POMGNT1: variants seen among roughly 807,000 people sequenced by gnomAD.
POMGNT1 encodes the protein protein O-linked mannose N-acetylglucosaminyltransferase 1 (beta 1,2-), also known as protein O-linked-mannose beta-1,2-N-acetylglucosaminyltransferase 1.
POMGNT1 carries 67 observed loss-of-function variants against 95.6 expected under a neutral mutation model. The ratio of observed to expected loss-of-function variants is 0.70; its 90% CI spans 0.58 to 0.86. The LOEUF (loss-of-function observed/expected upper bound fraction) is 0.86, where lower values mean the gene tolerates loss of function less well. Ranked by LOEUF, POMGNT1 falls within the 40% of genes least tolerant of loss-of-function variation. POMGNT1 has a pLI of 0.00. For missense variants in POMGNT1, 719 were observed against 855.2 expected (o/e 0.84, Z 1.99); for synonymous variants, 298 against 317.9 (o/e 0.94, Z 0.66).
Position 46,189,872 on chromosome 1 carries a change from G to A in POMGNT1, c.1767C>T (p.Thr589=). The A allele has an allele frequency of 5.6e-6, 9 of 1,613,930 alleles. No individual in the cohort carries two copies. Among genetic ancestry groups the A allele is most frequent in the Non-Finnish European group, 7.6e-6 (9 of 1,180,010 alleles). The change falls in exon 20 of 22, where the codon ACC becomes ACT. Residue 589 remains threonine, a synonymous_variant. Transcript: ENST00000371984. The stretch of plus-strand genomic sequence containing the variant: ...GGAGCACCTTGGCAAGCTGGGTCCA[G>A]GTGGTGAAGTCATCATCTTTCTCCA... ...IRMEKDDDFT[T]WTQLAKCLHI...
At chr1:46,197,254 C>A in intron 2 of POMGNT1, 170 bp from the exon 3 acceptor site, 1 of 1,537,942 alleles carries the variant, frequency 6.5e-7, no homozygotes, top group African/African-American at 1.4e-5. Flanking sequence ...TTCACAGCCA[C>A]TTTCCCCAGG....
chr1:46,207,020 G>C (rs1208092501), intron 1 of POMGNT1, among the ~76,000 whole-genome samples: 1 of 152,150 alleles, frequency 6.6e-6, no homozygotes, highest in African/African-American at 2.4e-5. Flanking sequence ...ATTGGAAGGA[G>C]GCACAGGCTG....
intron 1 of POMGNT1, among the ~76,000 whole-genome samples, chr1:46,208,834 C>T (rs1658805023): frequency 6.6e-6 from 1 of 151,966 alleles, no homozygotes; most frequent in African/African-American, 2.4e-5. Flanking sequence ...GTGCAAAACT[C>T]TGTCTCAAAA....
chr1:46,209,935 T>C, intron 1 of POMGNT1, among the ~76,000 whole-genome samples: 1 of 152,178 alleles, frequency 6.6e-6, no homozygotes, highest in East Asian at 1.9e-4. Context: ...TTAATGTATT[T>C]AGTTTGGTCA....
At chr1:46,194,488 A>T in intron 8 of POMGNT1, 65 bp downstream of exon 8, 2 of 1,614,136 alleles carry the variant, frequency 1.2e-6, no homozygotes, top group East Asian at 4.5e-5. Context: ...ATAAAGCTCC[A>T]CAGAGAGATC....
chr1:46,199,406 C>T (rs1161502029), upstream of POMGNT1, among the ~76,000 whole-genome samples: 2 of 152,224 alleles, frequency 1.3e-5, no homozygotes, highest in Non-Finnish European at 2.9e-5. Flanking sequence ...TAACATCATA[C>T]ATAGAAAGCA....
At chr1:46,199,399 C>G (rs1658469777), upstream of POMGNT1, among the ~76,000 whole-genome samples, 1 of 152,236 alleles carries the variant, frequency 6.6e-6, no homozygotes, top group African/African-American at 2.4e-5. Flanking sequence ...GTTTAAATAA[C>G]ATCATACATA....
Position 46,196,467 on chromosome 1 carries a change from T to C in POMGNT1, c.354+264A>G, listed in dbSNP as rs1396817298. Among the ~76,000 whole-genome samples the C allele has an allele frequency of 2.0e-4, 30 of 152,250 alleles. No individual in the cohort carries two copies. The highest frequency in any genetic ancestry group is 7.2e-5 in the African/African-American group (3 of 41,466). On this transcript the variant is annotated intron_variant, in intron 4 of 21. Transcript: ENST00000371984. The surrounding 1 kb of genome is among the most constrained non-coding windows in gnomAD (Gnocchi z 4.4). ...AAAGGACCAGGGGATGGTTATAAAATAAATCAATGAATTGACTGCCTACTA... is the reference window on the plus strand; with the variant it reads ...AAAGGACCAGGGGATGGTTATAAAACAAATCAATGAATTGACTGCCTACTA...
At chr1:46,203,361 AG>A, upstream of POMGNT1, 1 of 1,396,684 alleles carries the variant, frequency 7.2e-7, no homozygotes, top group South Asian at 1.5e-5. Context: ...GCAGCGGCGA[AG>A]GGAGGACCCC....
chr1:46,196,778 C>T lies in POMGNT1; in HGVS notation c.307G>A (p.Val103Met). 1 of 1,614,222 alleles carries T rather than the reference C, an allele frequency of 6.2e-7. No individual in the cohort carries two copies. Among genetic ancestry groups the T allele is most frequent in the Non-Finnish European group, 8.5e-7 (1 of 1,180,042 alleles). ...SGPRRVLDVEVYSSRSKVYVA... is the reference protein window; with the variant it reads ...SGPRRVLDVEMYSSRSKVYVA... ...TATACTTTGCTGCGACTTGAATACA[C>T]CTCTACGTCCAGGACCCGCCGGGGA... The change falls in exon 4 of 22, where the codon GTG becomes ATG. Residue 103 changes from valine to methionine, a missense_variant. Transcript: ENST00000371984. The surrounding 1 kb of genome is among the most constrained non-coding windows in gnomAD (Gnocchi z 4.4).
intron 1 of POMGNT1, among the ~76,000 whole-genome samples, chr1:46,209,700 G>A (rs565029066): frequency 1.3e-5 from 2 of 151,836 alleles, no homozygotes; most frequent in African/African-American, 2.4e-5. Context: ...TAGTAGAGAC[G>A]GGGTTTTGCC....
At chr1:46,210,206 A>T (rs1658850243) in intron 1 of POMGNT1, among the ~76,000 whole-genome samples, 1 of 152,216 alleles carries the variant, frequency 6.6e-6, no homozygotes, top group Admixed American at 6.5e-5. Flanking sequence ...AAACACAAAT[A>T]ATTTCAGGTA....
chr1:46,199,203 A>C (rs1375290479), upstream of POMGNT1, among the ~76,000 whole-genome samples: 1 of 152,296 alleles, frequency 6.6e-6, no homozygotes. Context: ...TGGCCTCCCA[A>C]AGTGCTGGGA....
intron 20 of POMGNT1, 111 bp downstream of exon 20, chr1:46,189,743 T>C: frequency 1.3e-6 from 2 of 1,567,040 alleles, no homozygotes; most frequent in Non-Finnish European, 8.7e-7. Context: ...TCTAAGAGTA[T>C]AAAGAGGAGG....
chr1:46,193,052 C>A, intron 13 of POMGNT1, 94 bp from the exon 14 acceptor site: 2 of 1,603,410 alleles, frequency 1.2e-6, no homozygotes, highest in Non-Finnish European at 1.7e-6. Context: ...CAGCATTACC[C>A]CCATTTTCCA....
intron 1 of POMGNT1, among the ~76,000 whole-genome samples, chr1:46,206,021 T>A (rs1371316064): frequency 6.6e-6 from 1 of 152,170 alleles, no homozygotes; most frequent in Non-Finnish European, 1.5e-5. Flanking sequence ...TCCTCTACCC[T>A]CCATTCAAAG....
rs780353981 is a variant in POMGNT1 at position 46,196,128 on chromosome 1, GTC to G, written c.355-53_355-52del. Reference sequence around the variant, plus strand: ...AGCTTTTCACTCTGGCATTCAAGGTGTCTCTGTCTTAGGGGTACTTAAAACAC... The same window carrying G: ...AGCTTTTCACTCTGGCATTCAAGGTGTCTGTCTTAGGGGTACTTAAAACAC... On this transcript the variant is annotated intron_variant, in intron 4 of 21. Coordinates refer to ENST00000371984, the MANE Select transcript of POMGNT1 (RefSeq NM_017739.4). The surrounding 1 kb of genome is among the most constrained non-coding windows in gnomAD (Gnocchi z 4.4). The G allele has an allele frequency of 6.2e-7, 1 of 1,612,708 alleles. No homozygotes were observed. The highest frequency in any genetic ancestry group is 1.3e-5 in the African/African-American group (1 of 74,892).
intron 1 of POMGNT1, among the ~76,000 whole-genome samples, chr1:46,213,073 A>G (rs370112267): frequency 6.6e-6 from 1 of 152,244 alleles, no homozygotes; most frequent in African/African-American, 2.4e-5. Context: ...GATAGACTAC[A>G]TATGTCAAAT....
Position 46,193,844 on chromosome 1 carries a change from C to CTTA in POMGNT1, c.950+10_950+11insTAA. On this transcript the variant is annotated intron_variant, in intron 10 of 21. Coordinates refer to ENST00000371984, the MANE Select transcript of POMGNT1 (RefSeq NM_017739.4). Reference sequence around the variant, plus strand: ...TGTTCAGTGCTGGGTATAGCCCATTCCCAGGCTTACCTGTACAGGTAATTG... The same window carrying CTTA: ...TGTTCAGTGCTGGGTATAGCCCATTCTTACCAGGCTTACCTGTACAGGTAATTG... 6.2e-7 allele frequency: 1 copy of CTTA among 1,613,880 alleles called. No individual in the cohort carries two copies. Among genetic ancestry groups the CTTA allele is most frequent in the Non-Finnish European group, 8.5e-7 (1 of 1,179,952 alleles).
Sources: gnomAD v4.1 joint callset for allele counts (sites outside exome capture counted in the v4.1 genomes callset) on GRCh38, gnomAD v4.1.1 for gene constraint, Gnocchi (gnomAD v3.1) non-coding constraint, MANE v1.5 for transcripts, NCBI Gene and HGNC (gene_info 2026-07-23, HGNC 2026-07-21) for gene names.